SCOC: variants seen among roughly 807,000 people sequenced by gnomAD.
SCOC encodes short coiled coil protein.
In SCOC, 7 loss-of-function variants were observed where a neutral mutation model predicts 9.9. The ratio of observed to expected loss-of-function variants is 0.71; its 90% CI spans 0.40 to 1.33. The LOEUF is 1.33. Among genes scored for constraint, SCOC ranks in the 40% most tolerant of loss-of-function variants. The pLI is 0.01. For missense variants in SCOC, 66 were observed against 89.7 expected, an observed-to-expected ratio of 0.74 and a Z score of 1.07; for synonymous variants, 19 against 28.2, an observed-to-expected ratio of 0.67 and a Z score of 1.03.
chr4:140,269,674 GGGGT>G (rs1730800082), intron 1 of SCOC, among the ~76,000 whole-genome samples: 1 of 152,142 alleles, frequency 6.6e-6, no homozygotes, highest in African/African-American at 2.4e-5. Context: ...ACTAAGCATT[GGGGT>G]GATTTGTTAT....
chr4:140,356,258 G>GAAA (rs1727225180), intron 2 of SCOC, among the ~76,000 whole-genome samples: 1 of 152,134 alleles, frequency 6.6e-6, no homozygotes. Context: ...ATTCTGTTTT[G>GAAA]TTCCTAAGTT....
intron 1 of SCOC, among the ~76,000 whole-genome samples, chr4:140,259,138 CAGA>C (rs1322757577): frequency 2.0e-5 from 3 of 152,166 alleles, no homozygotes; most frequent in Admixed American, 1.3e-4. Flanking sequence ...GGCTCAGAAA[CAGA>C]GGAAACACCT....
At chr4:140,341,927 C>G (rs1295977790), upstream of SCOC, among the ~76,000 whole-genome samples, 1 of 152,188 alleles carries the variant, frequency 6.6e-6, no homozygotes, top group Non-Finnish European at 1.5e-5. Flanking sequence ...GATGATCAAG[C>G]TGGACCTTCC....
intron 1 of SCOC, among the ~76,000 whole-genome samples, chr4:140,337,418 T>C (rs1732988167): frequency 6.6e-6 from 1 of 152,102 alleles, no homozygotes; most frequent in African/African-American, 2.4e-5. Context: ...CTTCCCTAAA[T>C]TCAAAATTTA....
chr4:140,302,206 G>T (rs1342558427), intron 1 of SCOC, among the ~76,000 whole-genome samples: 1 of 152,144 alleles, frequency 6.6e-6, no homozygotes, highest in Non-Finnish European at 1.5e-5. Context: ...CTCACGTAAT[G>T]ATTTGAGTCA....
intron 2 of SCOC, among the ~76,000 whole-genome samples, chr4:140,353,946 A>G (rs982162711): frequency 3.9e-5 from 6 of 152,190 alleles, no homozygotes; most frequent in African/African-American, 1.4e-4. Flanking sequence ...CAGCTTAATG[A>G]CTTTGGCTCA....
At chr4:140,326,147 GTCAGTGGT>G (rs1323348416) in intron 1 of SCOC, among the ~76,000 whole-genome samples, 1 of 152,138 alleles carries the variant, frequency 6.6e-6, no homozygotes, top group East Asian at 1.9e-4. Context: ...TAGAAAACAG[GTCAGTGGT>G]TCAGTGGTTA....
At chr4:140,323,445 A>G (rs1033875279) in intron 1 of SCOC, among the ~76,000 whole-genome samples, 2 of 152,208 alleles carry the variant, frequency 1.3e-5, no homozygotes, top group African/African-American at 4.8e-5. Context: ...AAATGGACTA[A>G]TACACTGATT....
chr4:140,316,464 G>T (rs1472133585), intron 1 of SCOC, among the ~76,000 whole-genome samples: 1 of 152,126 alleles, frequency 6.6e-6, no homozygotes, highest in Non-Finnish European at 1.5e-5. Flanking sequence ...TTTGCTTTAT[G>T]TGCACCTTTG....
intron 1 of SCOC, among the ~76,000 whole-genome samples, chr4:140,309,457 T>C (rs1732087453): frequency 6.6e-6 from 1 of 152,178 alleles, no homozygotes; most frequent in African/African-American, 2.4e-5. Context: ...GGCCCCCTTC[T>C]AACATAGCCT....
upstream of SCOC, among the ~76,000 whole-genome samples, chr4:140,340,076 A>T (rs1726445752): frequency 1.3e-5 from 2 of 152,244 alleles, no homozygotes; most frequent in African/African-American, 4.8e-5. Context: ...GATAGACTGG[A>T]TTAAGAAAAT....
At chr4:140,337,840 C>G (rs536447720) in intron 1 of SCOC, among the ~76,000 whole-genome samples, 1 of 152,064 alleles carries the variant, frequency 6.6e-6, no homozygotes, top group Non-Finnish European at 1.5e-5. Context: ...CGGGACCAGA[C>G]GGATTCACAG....
chr4:140,301,573 G>C (rs1731811012), intron 1 of SCOC, among the ~76,000 whole-genome samples: 1 of 152,152 alleles, frequency 6.6e-6, no homozygotes, highest in Non-Finnish European at 1.5e-5. Flanking sequence ...ATTGTCACCA[G>C]CAACGTTCTG....
At chr4:140,281,724 C>A (rs1352095413) in intron 1 of SCOC, among the ~76,000 whole-genome samples, 1 of 152,164 alleles carries the variant, frequency 6.6e-6, no homozygotes, top group Admixed American at 6.5e-5. Flanking sequence ...TTCACTTGAG[C>A]CTTCTCCTTG....
chr4:140,353,413 CTTTTTT>C (rs1158574514), intron 2 of SCOC, among the ~76,000 whole-genome samples: 1 of 145,572 alleles, frequency 6.9e-6, no homozygotes, highest in African/African-American at 2.6e-5. Context: ...TTTTCTTTTT[CTTTTTT>C]TTTTTTTTTT....
chr4:140,338,467 A>G (rs1242958704), upstream of SCOC, among the ~76,000 whole-genome samples: 6 of 152,322 alleles, frequency 3.9e-5, no homozygotes, highest in East Asian at 1.2e-3. Context: ...GGCAAGAGAA[A>G]GAAATAAAGG....
intron 1 of SCOC, among the ~76,000 whole-genome samples, chr4:140,279,336 A>C (rs1367570290): frequency 6.6e-6 from 1 of 152,076 alleles, no homozygotes. Context: ...TAGTATACTC[A>C]TTTTTTGTGA....
rs371077320 is a variant in SCOC at position 140,343,674 on chromosome 4, C to T, written c.36C>T (p.Ser12=). Residue 12 remains serine, a synonymous_variant, in exon 2 of 5, where the codon AGC becomes AGT. Transcript: ENST00000338517. ...CCAGGAAAGAGGAGGAGGAAGACAG[C>T]ACATTCACCAACATTTCTCTTGCAG... 3 of 1,613,494 alleles carry T rather than the reference C, an allele frequency of 1.9e-6. No individual in the cohort carries two copies. The African/African-American group carries it at 4.0e-5, about 22-fold the overall frequency.
chr4:140,264,322 G>T (rs959231832), intron 1 of SCOC, among the ~76,000 whole-genome samples: 1 of 152,110 alleles, frequency 6.6e-6, no homozygotes, highest in Non-Finnish European at 1.5e-5. Flanking sequence ...GGTTAATGTG[G>T]GTTCTGGACT....
Sources: gnomAD v4.1 joint callset for allele counts (sites outside exome capture counted in the v4.1 genomes callset) on GRCh38, gnomAD v4.1.1 for gene constraint, MANE v1.5 for transcripts, NCBI Gene and HGNC (gene_info 2026-07-23, HGNC 2026-07-21) for gene names.